DESI2: variants seen among roughly 807,000 people sequenced by gnomAD.
DESI2 encodes deubiquitinase DESI2.
In DESI2, 10 loss-of-function variants were observed where a neutral mutation model predicts 24.1. The observed-to-expected ratio is 0.41, with a 90% CI of 0.26 to 0.70. The LOEUF (loss-of-function observed/expected upper bound fraction) is 0.70, where lower values mean the gene tolerates loss of function less well. Among genes scored for constraint, DESI2 ranks in the 30% least tolerant of loss-of-function variants. DESI2 has a pLI of 0.29. For synonymous variants in DESI2, 71 were observed against 87.7 expected (o/e 0.81, Z 1.06); for missense variants, 122 against 234.9 (o/e 0.52, Z 3.14).
At chr1:244,683,451 A>G (rs1676695299) in intron 1 of DESI2, among the ~76,000 whole-genome samples, 1 of 151,822 alleles carries the variant, frequency 6.6e-6, no homozygotes, top group Admixed American at 6.6e-5. Context: ...AGCTGGGACT[A>G]CAAGTGCCCG....
chr1:244,656,809 C>G (rs954044924), intron 1 of DESI2, among the ~76,000 whole-genome samples: 2 of 152,200 alleles, frequency 1.3e-5, no homozygotes, highest in African/African-American at 4.8e-5. Context: ...TTTTCTCACT[C>G]TGTCACCCAG....
At position 244,708,690 on chromosome 1, in the gene DESI2, T is replaced by C. The variant is rs1677804906; in HGVS notation, c.*2901T>C. ...TGTAACTTTGATATATGCTGTATTT[T>C]CTTTCTTTAAAAGATTTAGATGTTT... On this transcript the variant is annotated 3_prime_UTR_variant, in exon 5 of 5. Coordinates refer to ENST00000302550, the MANE Select transcript of DESI2 (RefSeq NM_016076.5). 1 of 152,676 alleles carries C rather than the reference T, an allele frequency of 6.5e-6. No homozygotes were observed. The highest frequency in any genetic ancestry group is 2.4e-5 in the African/African-American group (1 of 41,476). The allele number at this position is 152,676 out of a possible 1,614,324, so 9.5% of individuals were successfully genotyped here.
rs2148824180 is a variant in DESI2, at chr1:244,708,707, T to C, written c.*2918T>C. 1 of 152,748 alleles carries C rather than the reference T, an allele frequency of 6.5e-6. No individual in the cohort carries two copies. Among genetic ancestry groups the C allele is most frequent in the South Asian group, 2.1e-4 (1 of 4,822 alleles). The allele number at this position is 152,748 out of a possible 1,614,324, so 9.5% of individuals were successfully genotyped here. A position where few individuals can be genotyped will look rare whatever the true frequency, so the allele number is the denominator to read the frequency against. The stretch of plus-strand genomic sequence containing the variant: ...CTGTATTTTCTTTCTTTAAAAGATT[T>C]AGATGTTTTTTCAGCAAGCTAGCCA... On this transcript the variant is annotated 3_prime_UTR_variant, in exon 5 of 5. Transcript: ENST00000302550.
At chr1:244,664,369 A>G (rs1467527143) in intron 1 of DESI2, among the ~76,000 whole-genome samples, 1 of 152,154 alleles carries the variant, frequency 6.6e-6, no homozygotes, top group Admixed American at 6.5e-5. Context: ...TATTATTGGG[A>G]GAAAATCAAA....
rs1676930035 is a variant in DESI2 at position 244,689,110 on chromosome 1, G to T, written c.116-139G>T. The T allele has an allele frequency of 4.7e-6, 3 of 637,678 alleles. No homozygotes were observed. The highest frequency in any genetic ancestry group is 8.6e-6 in the Non-Finnish European group (3 of 350,658). The allele number at this position is 637,678 out of a possible 1,614,324, so 39.5% of individuals were successfully genotyped here. On this transcript the variant is annotated intron_variant, in intron 2 of 4. Coordinates refer to ENST00000302550, the MANE Select transcript of DESI2 (RefSeq NM_016076.5). This position sits in a 1 kb window ranked among gnomAD's most constrained non-coding sequence, Gnocchi z 4.0. ...CTGTTTATACGAGTAATAGCTAAGTGAGATATTTGTGAAAGCATTTTATAA... is the reference window on the plus strand; with the variant it reads ...CTGTTTATACGAGTAATAGCTAAGTTAGATATTTGTGAAAGCATTTTATAA...
chr1:244,665,841 G>A (rs535887938), intron 1 of DESI2, among the ~76,000 whole-genome samples: 1 of 152,308 alleles, frequency 6.6e-6, no homozygotes, highest in Admixed American at 6.5e-5. Flanking sequence ...GTGTGAGCCA[G>A]TTCCTTAAAA....
chr1:244,688,175 A>G (rs1315764627), intron 2 of DESI2, among the ~76,000 whole-genome samples: 1 of 152,182 alleles, frequency 6.6e-6, no homozygotes. Flanking sequence ...TCAAATATTA[A>G]TATATTCCTG....
At chr1:244,666,309 C>G (rs1463168409) in intron 1 of DESI2, among the ~76,000 whole-genome samples, 1 of 152,210 alleles carries the variant, frequency 6.6e-6, no homozygotes, top group African/African-American at 2.4e-5. Flanking sequence ...ATGAAACCTT[C>G]CGCTGTGTAC....
chr1:244,677,254 AT>A (rs1435305101), intron 1 of DESI2, among the ~76,000 whole-genome samples: 11 of 151,724 alleles, frequency 7.3e-5, no homozygotes, highest in African/African-American at 2.7e-4. Flanking sequence ...GGTTATTTAG[AT>A]TTTCTGTATC....
chr1:244,694,605 G>GGGTAGCCACATTTGCCAC, intron 4 of DESI2: 3 of 849,278 alleles, frequency 3.5e-6, no homozygotes, highest in Non-Finnish European at 6.2e-6. Flanking sequence ...GCGCTTGGCG[G>GGGTAGCCACATTTGCCAC]GGTAGCCACA....
At chr1:244,672,953 G>GT (rs1444018663) in intron 1 of DESI2, among the ~76,000 whole-genome samples, 6 of 152,124 alleles carry the variant, frequency 3.9e-5, no homozygotes, top group Non-Finnish European at 8.8e-5. Flanking sequence ...TTGTAGGGGA[G>GT]TAGGATAGTT....
intron 1 of DESI2, among the ~76,000 whole-genome samples, chr1:244,660,159 T>G (rs977083698): frequency 5.9e-5 from 9 of 151,622 alleles, no homozygotes; most frequent in Non-Finnish European, 1.3e-4. Flanking sequence ...TTTTTCTTTT[T>G]TTGTTGTTGT....
intron 1 of DESI2, among the ~76,000 whole-genome samples, chr1:244,660,710 G>T (rs1675811742): frequency 1.3e-5 from 2 of 152,200 alleles, no homozygotes; most frequent in Non-Finnish European, 2.9e-5. Context: ...TTTTGGTATA[G>T]ATGTGACAGT....
chr1:244,706,279 G>A lies in DESI2; in HGVS notation c.*490G>A, dbSNP rs1486995731. On this transcript the variant is annotated 3_prime_UTR_variant, in exon 5 of 5. Coordinates refer to ENST00000302550, the MANE Select transcript of DESI2 (RefSeq NM_016076.5). ...GGTCTTTTAGATTTGTGTTTGTTTT[G>A]TTAAAGTTGTTGGCACCAGGATGCA... The A allele has an allele frequency of 1.2e-5, 2 of 162,002 alleles. No homozygotes were observed. Among genetic ancestry groups the A allele is most frequent in the African/African-American group, 2.4e-5 (1 of 41,250 alleles). The allele number at this position is 162,002 out of a possible 1,614,324, so 10.0% of individuals were successfully genotyped here.
intron 1 of DESI2, among the ~76,000 whole-genome samples, chr1:244,676,918 ATTTT>A (rs55638785): frequency 7.4e-6 from 1 of 134,630 alleles, no homozygotes; most frequent in Non-Finnish European, 1.6e-5. Flanking sequence ...TATTACATTA[ATTTT>A]TTTTTTTTTT....
At chr1:244,702,870 G>A (rs1188450815) in intron 4 of DESI2, among the ~76,000 whole-genome samples, 1 of 152,160 alleles carries the variant, frequency 6.6e-6, no homozygotes, top group African/African-American at 2.4e-5. Flanking sequence ...AATGGCTGTT[G>A]AATAGGCAAC....
chr1:244,656,841 C>G (rs555273851), intron 1 of DESI2, among the ~76,000 whole-genome samples: 11 of 152,260 alleles, frequency 7.2e-5, no homozygotes, highest in Non-Finnish European at 1.0e-4. Context: ...GTGGTGCGAT[C>G]TCGGCTCACA....
chr1:244,668,684 A>G (rs1676134526), intron 1 of DESI2, among the ~76,000 whole-genome samples: 1 of 152,244 alleles, frequency 6.6e-6, no homozygotes, highest in African/African-American at 2.4e-5. Flanking sequence ...ACTTTCAAGC[A>G]GGAAGCATAA....
At chr1:244,702,656 A>AG (rs1392137219) in intron 4 of DESI2, among the ~76,000 whole-genome samples, 3 of 152,206 alleles carry the variant, frequency 2.0e-5, no homozygotes, top group African/African-American at 4.8e-5. Context: ...TAAGAGGTAT[A>AG]GGGGATACAT....
Sources: gnomAD v4.1 joint callset for allele counts (sites outside exome capture counted in the v4.1 genomes callset) on GRCh38, gnomAD v4.1.1 for gene constraint, Gnocchi (gnomAD v3.1) non-coding constraint, MANE v1.5 for transcripts, NCBI Gene and HGNC (gene_info 2026-07-23, HGNC 2026-07-21) for gene names.